The following FAT4 variants were observed in gnomAD, a reference collection of about 807,000 sequenced individuals.
FAT4 encodes protocadherin Fat 4.
Under a neutral mutation model 303.9 loss-of-function variants are expected in FAT4, and 84 were observed. That is an observed-to-expected ratio of 0.28 (90% CI 0.23 to 0.33). The LOEUF (loss-of-function observed/expected upper bound fraction) is 0.33. Among genes scored for constraint, FAT4 ranks in the 10% least tolerant of loss-of-function variants. The pLI, the probability that FAT4 is intolerant of heterozygous loss-of-function variation, is 1.00. For synonymous variants in FAT4, 2,307 were observed against 2,298.8 expected (o/e 1.00, Z -0.10); for missense variants, 6,005 against 6,146.8 (o/e 0.98, Z 0.77).
Position 125,316,405 on chromosome 4 carries a change from C to T in FAT4, c.-7C>T. ...TCTTTATCACATCGTTTTAGGGAGC[C>T]AGGACCATGGACTTAGCACCAGACA... is the stretch of plus-strand genomic sequence containing the variant. On this transcript the variant is annotated 5_prime_UTR_variant, in exon 2 of 18. Coordinates refer to ENST00000394329, the MANE Select transcript of FAT4 (RefSeq NM_001291303.3). The surrounding 1 kb of genome is among the most constrained non-coding windows in gnomAD (Gnocchi z 5.7). 6.2e-7 allele frequency: 1 copy of T among 1,600,092 alleles called. No individual in the cohort carries two copies. The highest frequency in any genetic ancestry group is 1.1e-5 in the South Asian group (1 of 89,704).
Position 125,490,509 on chromosome 4 carries a change from C to T in FAT4, c.13693C>T (p.Pro4565Ser), listed in dbSNP as rs1727588385. Residue 4565 changes from proline (P) to serine (S), a missense_variant, in exon 18 of 18, where the codon CCT becomes TCT. Coordinates refer to ENST00000394329, the MANE Select transcript of FAT4 (RefSeq NM_001291303.3). ...NVAFDDPDNI[P>S]PYGDDMTVRK... ...TGCTTTTGATGACCCTGACAATATC[C>T]CTCCCTATGGGGATGACATGACTGT... 6.2e-7 allele frequency: 1 copy of T among 1,613,970 alleles called. No individual in the cohort carries two copies. The highest frequency in any genetic ancestry group is 1.3e-5 in the African/African-American group (1 of 74,886).
chr4:125,341,786 C>G (rs1174881852), intron 2 of FAT4, among the ~76,000 whole-genome samples: 2 of 151,954 alleles, frequency 1.3e-5, no homozygotes, highest in Non-Finnish European at 2.9e-5. Flanking sequence ...GCCTAGCCAT[C>G]TGGAGCACTT....
In FAT4 at chr4:125,452,350, C is replaced by T. The variant is rs140612818; in HGVS notation, c.11340C>T (p.Gly3780=). The T allele has an allele frequency of 5.3e-5, 85 of 1,614,056 alleles. No homozygotes were observed. In the Middle Eastern group the frequency reaches 8.2e-4, roughly 16 times the overall value. Residue 3780 remains glycine, a synonymous_variant, in exon 10 of 18, where the codon GGC becomes GGT. Coordinates refer to ENST00000394329, the MANE Select transcript of FAT4 (RefSeq NM_001291303.3). ...ATAATCAGTATGTGAATCCCAGTGG[C>T]GTAGCCACCTTCTTTGAAAGCATCA... is the stretch of plus-strand genomic sequence containing the variant. The part of the protein sequence containing the change: ...RNHNQYVNPS[G]VATFFESIKE...
At chr4:125,466,791 T>TTTA (rs1358369823) in intron 11 of FAT4, among the ~76,000 whole-genome samples, 1 of 151,142 alleles carries the variant, frequency 6.6e-6, no homozygotes, top group African/African-American at 2.4e-5. Context: ...TTTTTTTTTT[T>TTTA]TGAGACGGAG....
rs2125941639 is a variant in FAT4, at chr4:125,318,807, G to A, written c.2396G>A (p.Ser799Asn). 6.2e-7 allele frequency: 1 copy of A among 1,614,182 alleles called. No homozygotes were observed. Among genetic ancestry groups the A allele is most frequent in the Non-Finnish European group, 8.5e-7 (1 of 1,180,038 alleles). Residue 799 changes from serine (S) to asparagine (N), a missense_variant, in exon 2 of 18, where the codon AGC (serine) becomes AAC (asparagine). By Grantham distance (46) the Ser-to-Asn change is conservative (BLOSUM62 1). Coordinates refer to ENST00000394329, the MANE Select transcript of FAT4 (RefSeq NM_001291303.3). The stretch of plus-strand genomic sequence containing the variant: ...CCTGTATTCAGTCAGGTTGCCTACA[G>A]CTTTGTGGTTTTTGAGAACGTGGCG... Reference protein sequence around the residue: ...NPPVFSQVAYSFVVFENVALG... With the variant: ...NPPVFSQVAYNFVVFENVALG...
At chr4:125,426,303 A>G (rs961588178) in intron 7 of FAT4, among the ~76,000 whole-genome samples, 16 of 152,208 alleles carry the variant, frequency 1.1e-4, no homozygotes, top group African/African-American at 3.8e-4. Context: ...AATAATGAAA[A>G]TTGCTTGAAA....
intron 2 of FAT4, among the ~76,000 whole-genome samples, chr4:125,347,166 T>C (rs1357293630): frequency 6.6e-6 from 1 of 151,124 alleles, no homozygotes; most frequent in East Asian, 1.9e-4. Flanking sequence ...TTCCAAACCA[T>C]AGATATATAT....
In FAT4 at chr4:125,319,440, C is replaced by G; in HGVS notation, c.3029C>G (p.Pro1010Arg). The change falls in exon 2 of 18, where the codon CCT (proline) becomes CGT (arginine). Residue 1010 changes from proline (P) to arginine (R), a missense_variant. By Grantham distance (103) the Pro-to-Arg change is moderately radical. Coordinates refer to ENST00000394329, the MANE Select transcript of FAT4 (RefSeq NM_001291303.3). ...SYEVTLSESE[P>R]VNSRFFKVQA... ...GAAGTCACCCTTTCTGAGTCAGAAC[C>G]TGTGAATTCTCGATTCTTTAAAGTA... 1.9e-6 allele frequency: 3 copies of G among 1,613,734 alleles called. No homozygotes were observed. The highest frequency in any genetic ancestry group is 2.5e-6 in the Non-Finnish European group (3 of 1,179,808).
chr4:125,471,746 G>A (rs1726862953), intron 12 of FAT4, among the ~76,000 whole-genome samples: 1 of 151,612 alleles, frequency 6.6e-6, no homozygotes, highest in Non-Finnish European at 1.5e-5. Context: ...TTAACTTTGA[G>A]CCTTTAAAAG....
chr4:125,410,915 T>G (rs140016727), intron 5 of FAT4, among the ~76,000 whole-genome samples: 1 of 152,216 alleles, frequency 6.6e-6, no homozygotes, highest in East Asian at 1.9e-4. Flanking sequence ...CAGTGTAATT[T>G]CCTGCACCTT....
Position 125,316,692 on chromosome 4 carries a change from C to G in FAT4, c.281C>G (p.Ser94Cys). The G allele has an allele frequency of 6.2e-7, 1 of 1,613,692 alleles. No individual in the cohort carries two copies. The highest frequency in any genetic ancestry group is 8.5e-7 in the Non-Finnish European group (1 of 1,180,030). The stretch of plus-strand genomic sequence containing the variant: ...AGCACCGGAGCCCTGTACACCACCT[C>G]CACCATCGACCGCGAGAGCCTGCCC... ...NSSTGALYTTSTIDRESLPSD... is the reference protein window; with the variant it reads ...NSSTGALYTTCTIDRESLPSD... Residue 94 changes from serine to cysteine, a missense_variant, in exon 2 of 18, where the codon TCC becomes TGC. Coordinates refer to ENST00000394329, the MANE Select transcript of FAT4 (RefSeq NM_001291303.3). The surrounding 1 kb of genome is among the most constrained non-coding windows in gnomAD (Gnocchi z 5.7).
At position 125,491,725 on chromosome 4, in the gene FAT4, C is replaced by A; in HGVS notation, c.14909C>A (p.Thr4970Asn). 1 of 1,613,868 alleles carries A rather than the reference C, an allele frequency of 6.2e-7. No homozygotes were observed. Among genetic ancestry groups the A allele is most frequent in the South Asian group, 1.1e-5 (1 of 91,052 alleles). ...AANEEGKAGT[T>N]KPVPKDGEAE... ...AATGAAGAAGGCAAAGCTGGGACAA[C>A]TAAACCAGTCCCCAAAGATGGGGAA... The change falls in exon 18 of 18, where the codon ACT becomes AAT. Residue 4970 changes from threonine to asparagine, a missense_variant. Coordinates refer to ENST00000394329, the MANE Select transcript of FAT4 (RefSeq NM_001291303.3).
In FAT4 at chr4:125,492,179, A is replaced by T. The variant is rs975741339; in HGVS notation, c.*411A>T. On this transcript the variant is annotated 3_prime_UTR_variant, in exon 18 of 18. Transcript: ENST00000394329. Reference sequence around the variant, plus strand: ...TTGCATTGCAAGATTCTTGATGTTAAACCAATCCTTGTAAAGTGTAAAAAG... The same window carrying T: ...TTGCATTGCAAGATTCTTGATGTTATACCAATCCTTGTAAAGTGTAAAAAG... 6.1e-6 allele frequency: 1 copy of T among 165,142 alleles called. No individual in the cohort carries two copies. The highest frequency in any genetic ancestry group is 1.3e-5 in the Non-Finnish European group (1 of 75,332). The allele number at this position is 165,142 out of a possible 1,614,324, so 10.2% of individuals were successfully genotyped here.
chr4:125,408,203 C>A (rs1383842591), intron 4 of FAT4, among the ~76,000 whole-genome samples: 1 of 152,138 alleles, frequency 6.6e-6, no homozygotes, highest in East Asian at 1.9e-4. Flanking sequence ...ATTATTAATT[C>A]CTCAGGAAAT....
intron 7 of FAT4, among the ~76,000 whole-genome samples, chr4:125,423,803 G>A (rs1451805486): frequency 6.6e-6 from 1 of 152,192 alleles, no homozygotes; most frequent in Admixed American, 6.5e-5. Flanking sequence ...CCCATGTCTT[G>A]CATCAGCATG....
chr4:125,453,022 A>G (rs565410431), intron 10 of FAT4, among the ~76,000 whole-genome samples: 1 of 152,318 alleles, frequency 6.6e-6, no homozygotes, highest in South Asian at 2.1e-4. Context: ...TGAGGTAGGA[A>G]TATTTTCCAG....
At chr4:125,356,399 T>C (rs1732424116) in intron 2 of FAT4, among the ~76,000 whole-genome samples, 1 of 152,016 alleles carries the variant, frequency 6.6e-6, no homozygotes. Context: ...TATGAACTAA[T>C]ATGTAACAGA....
chr4:125,334,578 T>A (rs954401408), intron 2 of FAT4, among the ~76,000 whole-genome samples: 6 of 152,174 alleles, frequency 3.9e-5, no homozygotes, highest in Admixed American at 3.9e-4. Flanking sequence ...TAATTTCAAA[T>A]TTTTTAACAA....
rs914975975 is a variant in FAT4 at position 125,452,246 on chromosome 4, T to C, written c.11236T>C (p.Leu3746=). The change falls in exon 10 of 18, where the codon TTA becomes CTA. Residue 3746 remains leucine, a synonymous_variant. Coordinates refer to ENST00000394329, the MANE Select transcript of FAT4 (RefSeq NM_001291303.3). ...CATTGCCAGCTCACAGCTGACAGGC[T>C]TAGGGACTGCTGTGCAACTGTACAG... ...LRIASSQLTG[L]GTAVQLYSAY... 1 of 1,614,122 alleles carries C rather than the reference T, an allele frequency of 6.2e-7. No homozygotes were observed. The highest frequency in any genetic ancestry group is 1.3e-5 in the African/African-American group (1 of 74,948).
Sources: gnomAD v4.1 joint callset for allele counts (sites outside exome capture counted in the v4.1 genomes callset) on GRCh38, gnomAD v4.1.1 for gene constraint, Gnocchi (gnomAD v3.1) non-coding constraint, MANE v1.5 for transcripts, NCBI Gene and HGNC (gene_info 2026-07-23, HGNC 2026-07-21) for gene names.